The following TAFA3 variants were observed in gnomAD, a reference collection of about 807,000 sequenced individuals.
TAFA3 encodes chemokine-like protein TAFA-3.
A neutral mutation model predicts 20.7 loss-of-function variants in TAFA3; 17 were observed. The ratio of observed to expected loss-of-function variants is 0.82; its 90% CI spans 0.56 to 1.23. The LOEUF (loss-of-function observed/expected upper bound fraction) is 1.23. TAFA3 is among the 50% of genes most tolerant of loss of function. The pLI, the probability that TAFA3 is intolerant of heterozygous loss-of-function variation, is 0.00. For synonymous variants in TAFA3, 74 were observed against 71.8 expected (o/e 1.03, Z -0.16); for missense variants, 174 against 172.8 (o/e 1.01, Z -0.04).
intron 1 of TAFA3, among the ~76,000 whole-genome samples, chr1:112,719,672 G>C (rs1675283731): frequency 6.6e-6 from 1 of 152,102 alleles, no homozygotes; most frequent in Non-Finnish European, 1.5e-5. Flanking sequence ...AGTTGGATTG[G>C]AGGATGTTGC....
At chr1:112,725,537 C>T (rs757764622) in intron 5 of TAFA3, among the ~76,000 whole-genome samples, 1 of 151,500 alleles carries the variant, frequency 6.6e-6, no homozygotes, top group Non-Finnish European at 1.5e-5. Flanking sequence ...CCACCCCCAC[C>T]CCATTCCCAC....
chr1:112,726,516 G>C (rs1209758438), intron 5 of TAFA3, 113 bp from the exon 6 acceptor site: 1 of 1,117,258 alleles, frequency 9.0e-7, no homozygotes, highest in African/African-American at 1.5e-5. Flanking sequence ...TTTAGGGTGA[G>C]AGGATTGGCA....
In TAFA3 at chr1:112,719,195, G is replaced by A. The variant is rs572029378; in HGVS notation, c.-164G>A. The stretch of plus-strand genomic sequence containing the variant: ...TCCGGACTAGACAGCACCCAAGCTG[G>A]CCGCTCCCTCCCAAAGTCTGTCTTT... On this transcript the variant is annotated 5_prime_UTR_variant, in exon 1 of 6. Coordinates refer to ENST00000361886, the MANE Select transcript of TAFA3 (RefSeq NM_182759.3). Among the ~76,000 whole-genome samples, 20 of 152,364 alleles carry A rather than the reference G, an allele frequency of 1.3e-4. No homozygotes were observed. Among genetic ancestry groups the A allele is most frequent in the African/African-American group, 4.6e-4 (19 of 41,590 alleles).
At chr1:112,722,940 T>C in intron 3 of TAFA3, 76 bp from the exon 4 acceptor site, 3 of 1,490,786 alleles carry the variant, frequency 2.0e-6, no homozygotes, top group South Asian at 1.3e-5. Flanking sequence ...GAGGAGGGGC[T>C]GGAGGCCAGC....
At chr1:112,724,786 T>TAAAA (rs58991438) in intron 5 of TAFA3, among the ~76,000 whole-genome samples, 1 of 51,420 alleles carries the variant, frequency 1.9e-5, no homozygotes, top group Non-Finnish European at 3.6e-5. Context: ...AAGTATAATT[T>TAAAA]AAAAAAAAAA....
At position 112,723,939 on chromosome 1, in the gene TAFA3, T is replaced by C. The variant is rs753253589; in HGVS notation, c.266-74T>C. 9.3e-6 allele frequency: 15 copies of C among 1,613,216 alleles called. 1 individual carries two copies. The highest frequency in any genetic ancestry group is 6.6e-5 in the South Asian group (6 of 91,030). On this transcript the variant is annotated intron_variant, in intron 4 of 5. Transcript: ENST00000361886. ...GGGTGTGTGGAAACGTGCACCTCATTCGCAGACCTGCTCTTGGCTGCCCAC... is the reference window on the plus strand; with the variant it reads ...GGGTGTGTGGAAACGTGCACCTCATCCGCAGACCTGCTCTTGGCTGCCCAC...
intron 1 of TAFA3, among the ~76,000 whole-genome samples, chr1:112,720,074 G>C (rs374837882): frequency 1.1e-4 from 17 of 152,262 alleles, no homozygotes; most frequent in African/African-American, 3.9e-4. Flanking sequence ...CAGCCCTCTG[G>C]TGTGGGAATG....
At chr1:112,724,345 A>G (rs563203272) in intron 5 of TAFA3, among the ~76,000 whole-genome samples, 64 of 152,094 alleles carry the variant, frequency 4.2e-4, no homozygotes, top group African/African-American at 1.4e-3. Context: ...TGTCCTGGGA[A>G]GATTCTTGAT....
Position 112,723,929 on chromosome 1 carries a change from T to C in TAFA3, c.266-84T>C, listed in dbSNP as rs989395994. ...TCAAGGCCAGGGGTGTGTGGAAACG[T>C]GCACCTCATTCGCAGACCTGCTCTT... On this transcript the variant is annotated intron_variant, in intron 4 of 5. Transcript: ENST00000361886. The C allele has an allele frequency of 3.7e-6, 6 of 1,612,814 alleles. No homozygotes were observed. In the East Asian group the frequency reaches 1.3e-4, roughly 36 times the overall value.
intron 5 of TAFA3, among the ~76,000 whole-genome samples, chr1:112,724,708 G>A (rs1304983424): frequency 6.3e-5 from 9 of 142,594 alleles, no homozygotes; most frequent in East Asian, 2.1e-4. Flanking sequence ...TGGGTGCAGC[G>A]CACCAGCATG....
chr1:112,726,825 C>G lies in TAFA3; in HGVS notation c.*185C>G, dbSNP rs913068426. The G allele has an allele frequency of 2.8e-5, 23 of 821,730 alleles. No individual in the cohort carries two copies. The Admixed American group carries it at 5.2e-4, about 19-fold the overall frequency. The allele number at this position is 821,730 out of a possible 1,614,324, so 50.9% of individuals were successfully genotyped here. A position where few individuals can be genotyped will look rare whatever the true frequency, so the allele number is the denominator to read the frequency against. ...ATATGGATGGATCTGCAATCACATA[C>G]CTAATGTGGAGCTGGGCTTTTCTGG... On this transcript the variant is annotated 3_prime_UTR_variant, in exon 6 of 6. Coordinates refer to ENST00000361886, the MANE Select transcript of TAFA3 (RefSeq NM_182759.3).
In TAFA3 at chr1:112,719,029, C is replaced by A. The variant is rs897772856; in HGVS notation, c.-330C>A. Among the ~76,000 whole-genome samples the A allele has an allele frequency of 6.6e-6, 1 of 152,214 alleles. No homozygotes were observed. Among genetic ancestry groups the A allele is most frequent in the Non-Finnish European group, 1.5e-5 (1 of 68,034 alleles). Reference sequence around the variant, plus strand: ...CTGCCGGCAGGAACCTTGGAAAAAACCCGGCTGAGTTCTGCAGAGCTGGCG... The same window carrying A: ...CTGCCGGCAGGAACCTTGGAAAAAAACCGGCTGAGTTCTGCAGAGCTGGCG... On this transcript the variant is annotated 5_prime_UTR_variant, in exon 1 of 6. Transcript: ENST00000361886.
rs759902368 is a variant in TAFA3, at chr1:112,724,067, A to AG, written c.322dup (p.Glu108GlyfsTer3). On this transcript the variant is annotated frameshift_variant, in exon 5 of 6. Coordinates refer to ENST00000361886, the MANE Select transcript of TAFA3 (RefSeq NM_182759.3). LOFTEE classifies it high-confidence loss of function. ...CAGATGGAGCCCTGCCTGCCGGGGG[A>AG]GGAGTGTAAGGTGCTCCCGGACCTG... The AG allele has an allele frequency of 1.1e-5, 17 of 1,613,302 alleles. No homozygotes were observed. Among genetic ancestry groups the AG allele is most frequent in the Non-Finnish European group, 1.4e-5 (17 of 1,179,888 alleles).
At chr1:112,725,413 A>AAT (rs1311380976) in intron 5 of TAFA3, among the ~76,000 whole-genome samples, 1 of 152,064 alleles carries the variant, frequency 6.6e-6, no homozygotes, top group Non-Finnish European at 1.5e-5. Flanking sequence ...AAAAAAAAAA[A>AAT]AACATAGTCG....
intron 1 of TAFA3, among the ~76,000 whole-genome samples, 107 bp downstream of exon 1, chr1:112,719,406 C>A (rs897591439): frequency 6.6e-6 from 1 of 152,300 alleles, no homozygotes; most frequent in South Asian, 2.1e-4. Flanking sequence ...TGGTTCACAT[C>A]CTCAAACCCT....
rs377754434 is a variant in TAFA3, at chr1:112,723,182, G to A, written c.265+17G>A. ...GCGTGGACGGTGAGTGAGAGGCCAGGACCCGGGCAGGGCCCTGAGCAGAGC... is the reference window on the plus strand; with the variant it reads ...GCGTGGACGGTGAGTGAGAGGCCAGAACCCGGGCAGGGCCCTGAGCAGAGC... On this transcript the variant is annotated intron_variant, in intron 4 of 5. Transcript: ENST00000361886. 48 of 1,610,386 alleles carry A rather than the reference G, an allele frequency of 3.0e-5. No individual in the cohort carries two copies. Among genetic ancestry groups the A allele is most frequent in the Non-Finnish European group, 3.8e-5 (45 of 1,179,046 alleles).
chr1:112,724,996 T>C (rs1216203781), intron 5 of TAFA3, among the ~76,000 whole-genome samples: 1 of 152,000 alleles, frequency 6.6e-6, no homozygotes, highest in Non-Finnish European at 1.5e-5. Flanking sequence ...TAGGTGCCAA[T>C]CAACATTGAA....
rs767773277 is a variant in TAFA3, at chr1:112,724,266, C to CAGAG, written c.390+132_390+133insGAGA. 8.2e-6 allele frequency: 7 copies of CAGAG among 856,328 alleles called. No individual in the cohort carries two copies. In the South Asian group the frequency reaches 9.0e-5, roughly 11 times the overall value. 53.0% of individuals were successfully genotyped at this position (856,328 alleles called of 1,614,324 possible). The stretch of plus-strand genomic sequence containing the variant: ...GTGAGATCGTGAACCATGAAATTCA[C>CAGAG]AGACAGTCCTCTCAGGTCTGTTCTC... On this transcript the variant is annotated intron_variant, in intron 5 of 5. Transcript: ENST00000361886.
chr1:112,721,577 G>T (rs891577159), intron 2 of TAFA3, among the ~76,000 whole-genome samples: 2 of 152,220 alleles, frequency 1.3e-5, no homozygotes, highest in Non-Finnish European at 2.9e-5. Flanking sequence ...GCCTCCCAAA[G>T]TGCTGGAATT....
Sources: allele counts gnomAD v4.1 joint callset (sites outside exome capture counted in the v4.1 genomes callset), GRCh38; gene constraint gnomAD v4.1.1; transcripts MANE v1.5; gene names NCBI Gene and HGNC (gene_info 2026-07-23, HGNC 2026-07-21).